The following CCDC180 variants were observed in gnomAD, a reference collection of about 807,000 sequenced individuals.
CCDC180 encodes coiled-coil domain containing 180.
CCDC180 carries 154 observed loss-of-function variants against 209.2 expected under a neutral mutation model. The ratio of observed to expected loss-of-function variants is 0.74; its 90% CI spans 0.65 to 0.84. The LOEUF (loss-of-function observed/expected upper bound fraction) is 0.84. Among genes scored for constraint, CCDC180 ranks in the 40% least tolerant of loss-of-function variants. CCDC180 has a pLI of 0.00. For synonymous variants in CCDC180, 778 were observed against 749.1 expected, an observed-to-expected ratio of 1.04 and a Z score of -0.63; for missense variants, 1,874 against 1,997.3, an observed-to-expected ratio of 0.94 and a Z score of 1.18.
intron 34 of CCDC180, 49 bp downstream of exon 34, chr9:97,371,755 G>A: frequency 8.1e-7 from 1 of 1,233,664 alleles, no homozygotes; most frequent in Non-Finnish European, 1.2e-6. Flanking sequence ...GGCTGGTGAG[G>A]GCTAGGTTGG....
At chr9:97,324,576 G>A (rs1456800049) in intron 13 of CCDC180, among the ~76,000 whole-genome samples, 2 of 152,208 alleles carry the variant, frequency 1.3e-5, no homozygotes, top group Non-Finnish European at 2.9e-5. Context: ...CATAAGACAC[G>A]TACATTTTTT....
intron 8 of CCDC180, 109 bp downstream of exon 8, chr9:97,315,055 A>G: frequency 2.6e-6 from 2 of 774,858 alleles, no homozygotes; most frequent in Non-Finnish European, 4.4e-6. Flanking sequence ...TGGGCTTCTC[A>G]TCTATAACGT....
chr9:97,307,889 C>T, intron 1 of CCDC180, 83 bp downstream of exon 1: 1 of 1,596,386 alleles, frequency 6.3e-7, no homozygotes, highest in East Asian at 2.2e-5. Context: ...AGTCCTTCCC[C>T]GGGGAGTCCT....
intron 26 of CCDC180, among the ~76,000 whole-genome samples, chr9:97,360,476 C>T (rs139015778): frequency 7.7e-4 from 117 of 152,252 alleles, no homozygotes; most frequent in Middle Eastern, 3.4e-3. Flanking sequence ...AACACCTCAT[C>T]CAGACCCCTG....
chr9:97,324,311 T>C (rs543675407), intron 13 of CCDC180, among the ~76,000 whole-genome samples: 1 of 152,328 alleles, frequency 6.6e-6, no homozygotes, highest in Middle Eastern at 3.4e-3. Context: ...CCTTGTCAGC[T>C]CCACCAGTGC....
chr9:97,371,782 C>A, intron 34 of CCDC180, 76 bp downstream of exon 34: 1 of 814,480 alleles, frequency 1.2e-6, no homozygotes, highest in South Asian at 2.0e-5. Context: ...GTCTGCTTTC[C>A]CCAACTCTAT....
chr9:97,328,091 ACTC>A lies in CCDC180; in HGVS notation c.1736_1738del (p.Ser579del). On this transcript the variant is annotated inframe_deletion, in exon 16 of 37. Coordinates refer to ENST00000529487, the MANE Select transcript of CCDC180 (RefSeq NM_020893.6). ...CCAGCGATCATGCTGAAAGAACTCA[ACTC>A]CTACAGCTCTGCCCTCAGCCAATAC... The A allele has an allele frequency of 1.9e-6, 3 of 1,613,914 alleles. No individual in the cohort carries two copies. Among genetic ancestry groups the A allele is most frequent in the Non-Finnish European group, 2.5e-6 (3 of 1,179,944 alleles).
At chr9:97,371,822 G>A in intron 34 of CCDC180, 116 bp downstream of exon 34, 4 of 546,172 alleles carry the variant, frequency 7.3e-6, no homozygotes, top group Non-Finnish European at 1.3e-5. Flanking sequence ...CCATTGAGGG[G>A]ACTGATTAAT....
intron 24 of CCDC180, among the ~76,000 whole-genome samples, chr9:97,357,024 T>C (rs951503070): frequency 1.3e-5 from 2 of 152,250 alleles, no homozygotes; most frequent in Non-Finnish European, 2.9e-5. Context: ...ATGGATGTGT[T>C]GACATTTTTA....
rs1473480102 is a variant in CCDC180 at position 97,349,150 on chromosome 9, G to C, written c.2714G>C (p.Cys905Ser). Reference sequence around the variant, plus strand: ...CATCAAGAGCAGTTGGACAGCCACTGTGCTGGGGTGACCGAGACGCTGAAG... The same window carrying C: ...CATCAAGAGCAGTTGGACAGCCACTCTGCTGGGGTGACCGAGACGCTGAAG... ...LLHQEQLDSH[C>S]AGVTETLKKK... Residue 905 changes from cysteine (C) to serine (S), a missense_variant, in exon 21 of 37, where the codon TGT becomes TCT. By Grantham distance (112) the Cys-to-Ser change is moderately radical. Transcript: ENST00000529487. 6.5e-7 allele frequency: 1 copy of C among 1,536,272 alleles called. No individual in the cohort carries two copies. Among genetic ancestry groups the C allele is most frequent in the South Asian group, 1.2e-5 (1 of 84,060 alleles).
Position 97,357,654 on chromosome 9 carries a change from G to A in CCDC180, c.3292G>A (p.Gly1098Arg). ...GGCAAAATCCAATTCGCAAACAAAT[G>A]GATTAAATTTCTCTCTGCAACAGCT... ...QVAKSNSQTNGLNFSLQQLQN... is the reference protein window; with the variant it reads ...QVAKSNSQTNRLNFSLQQLQN... Residue 1098 changes from glycine (G) to arginine (R), a missense_variant, in exon 25 of 37, where the codon GGA (glycine) becomes AGA (arginine). Coordinates refer to ENST00000529487, the MANE Select transcript of CCDC180 (RefSeq NM_020893.6). 2 of 1,612,214 alleles carry A rather than the reference G, an allele frequency of 1.2e-6. No individual in the cohort carries two copies. The highest frequency in any genetic ancestry group is 1.7e-6 in the Non-Finnish European group (2 of 1,179,370).
At chr9:97,318,298 T>C (rs1833243466) in intron 9 of CCDC180, among the ~76,000 whole-genome samples, 165 bp from the exon 10 acceptor site, 1 of 152,116 alleles carries the variant, frequency 6.6e-6, no homozygotes, top group Admixed American at 6.5e-5. Flanking sequence ...CTCCTTTCTT[T>C]AGGGTCCTAG....
chr9:97,338,751 A>G (rs1825985530), intron 18 of CCDC180, among the ~76,000 whole-genome samples: 1 of 152,114 alleles, frequency 6.6e-6, no homozygotes, highest in Non-Finnish European at 1.5e-5. Context: ...TAATATAGAC[A>G]GTGGGGTGTT....
At chr9:97,334,660 AG>A (rs1164395500) in intron 18 of CCDC180, among the ~76,000 whole-genome samples, 1 of 152,248 alleles carries the variant, frequency 6.6e-6, no homozygotes, top group East Asian at 1.9e-4. Flanking sequence ...TTTCCTATAT[AG>A]GCTATTTTTT....
Position 97,377,265 on chromosome 9 carries a change from CAG to C in CCDC180, c.*373_*374del, listed in dbSNP as rs1827284604. On this transcript the variant is annotated 3_prime_UTR_variant, in exon 37 of 37. Coordinates refer to ENST00000529487, the MANE Select transcript of CCDC180 (RefSeq NM_020893.6). ...ATGGGAAAATGATATTTTAATTTAACAGAATAAACAAGTATGGGTTATAATTG... is the reference window on the plus strand; with the variant it reads ...ATGGGAAAATGATATTTTAATTTAACAATAAACAAGTATGGGTTATAATTG... The C allele has an allele frequency of 6.0e-6, 1 of 167,062 alleles. No individual in the cohort carries two copies. Among genetic ancestry groups the C allele is most frequent in the Non-Finnish European group, 1.3e-5 (1 of 76,796 alleles). 10.3% of individuals were successfully genotyped at this position (167,062 alleles called of 1,614,324 possible). A position where few individuals can be genotyped will look rare whatever the true frequency, so the allele number is the denominator to read the frequency against.
At position 97,362,212 on chromosome 9, in the gene CCDC180, T is replaced by C. The variant is rs1826776129; in HGVS notation, c.3673T>C (p.Trp1225Arg). The C allele has an allele frequency of 1.2e-6, 2 of 1,612,462 alleles. No individual in the cohort carries two copies. The highest frequency in any genetic ancestry group is 1.1e-5 in the South Asian group (1 of 91,044). The change falls in exon 28 of 37, where the codon TGG becomes CGG. Residue 1225 changes from tryptophan (W) to arginine (R), a missense_variant. Transcript: ENST00000529487. ...RKLLQLPNTK[W>R]PTHHCDKDPS... ...TGGTTTCAGACTTCCCAACACAAAA[T>C]GGCCAACCCACCATTGTGACAAAGA...
intron 36 of CCDC180, chr9:97,376,159 A>T (rs1031234822): frequency 3.8e-5 from 6 of 155,976 alleles, no homozygotes; most frequent in African/African-American, 1.5e-4. Flanking sequence ...TGCCTGTCAG[A>T]CCCCCTGGGG....
intron 28 of CCDC180, among the ~76,000 whole-genome samples, chr9:97,363,324 G>GCAAA (rs1826820498): frequency 6.6e-6 from 1 of 152,226 alleles, no homozygotes; most frequent in Non-Finnish European, 1.5e-5. Flanking sequence ...TTCCTGGACT[G>GCAAA]TCCCCAAAGA....
intron 28 of CCDC180, 92 bp downstream of exon 28, chr9:97,362,533 C>T (rs1415315801): frequency 6.6e-7 from 1 of 1,524,678 alleles, no homozygotes; most frequent in Non-Finnish European, 8.8e-7. Flanking sequence ...GGCTTTTCCT[C>T]AGAAGGCACC....
Sources: allele counts gnomAD v4.1 joint callset (sites outside exome capture counted in the v4.1 genomes callset), GRCh38; gene constraint gnomAD v4.1.1; transcripts MANE v1.5; gene names NCBI Gene and HGNC (gene_info 2026-07-23, HGNC 2026-07-21).